Variants in KCNN2 observed in about 807,000 individuals in gnomAD.
The protein encoded by KCNN2 is small conductance calcium-activated potassium channel protein 2.
In KCNN2, 24 loss-of-function variants were observed where a neutral mutation model predicts 55.5. The observed-to-expected ratio is 0.43, with a 90% CI of 0.31 to 0.61. KCNN2 has a LOEUF of 0.61. Ranked by LOEUF, KCNN2 falls within the 20% of genes least tolerant of loss-of-function variation. The pLI, the probability that KCNN2 is intolerant of heterozygous loss-of-function variation, is 0.08. For synonymous variants in KCNN2, 431 were observed against 336.1 expected, an observed-to-expected ratio of 1.28 and a Z score of -3.09; for missense variants, 754 against 853.6, an observed-to-expected ratio of 0.88 and a Z score of 1.45.
intron 5 of KCNN2, among the ~76,000 whole-genome samples, chr5:114,479,304 A>T (rs1014039042): frequency 6.6e-6 from 1 of 152,024 alleles, no homozygotes; most frequent in Non-Finnish European, 1.5e-5. Context: ...AACAAAGATT[A>T]AAAAAAGATG....
chr5:114,247,054 A>G (rs549502586), intron 2 of KCNN2, among the ~76,000 whole-genome samples: 11 of 151,644 alleles, frequency 7.3e-5, no homozygotes, highest in Non-Finnish European at 1.6e-4. Flanking sequence ...CTGTAATCCC[A>G]GCACTTTGGG....
chr5:114,484,731 C>T (rs987327688), intron 5 of KCNN2, among the ~76,000 whole-genome samples: 52 of 152,102 alleles, frequency 3.4e-4, no homozygotes, highest in Non-Finnish European at 4.4e-5. Context: ...TGAAAAGTAG[C>T]AGTTAAATAT....
At chr5:114,125,184 A>AT (rs140293930) in intron 1 of KCNN2, among the ~76,000 whole-genome samples, 10,527 of 152,216 alleles carry the variant, frequency 0.069, 1,189 homozygotes, top group African/African-American at 0.24. Flanking sequence ...CCCAAATTTA[A>AT]CTTTTTGTAC....
chr5:114,463,339 A>ATTCTC, intron 4 of KCNN2, 149 bp downstream of exon 4: 4 of 599,986 alleles, frequency 6.7e-6, no homozygotes, highest in Non-Finnish European at 1.1e-5. Context: ...TTGAGAGAGA[A>ATTCTC]TGTCAACAGT....
Position 114,118,920 on chromosome 5 carries a change from G to T in KCNN2, c.-271+62420G>T, listed in dbSNP as rs374335194. Among the ~76,000 whole-genome samples, 30 of 152,178 alleles carry T rather than the reference G, an allele frequency of 2.0e-4. 1 individual carries two copies. In the East Asian group the frequency reaches 5.6e-3, roughly 28 times the overall value. ...GAGGCAGGATAGGGGAGGGGATGAG[G>T]ATATAGACCATGGAGACTGACAGAC... On this transcript the variant is annotated intron_variant, in intron 1 of 10. Coordinates refer to the KCNN2 transcript ENST00000512097.
chr5:114,121,447 C>G (rs962217797), intron 1 of KCNN2, among the ~76,000 whole-genome samples: 1 of 152,150 alleles, frequency 6.6e-6, no homozygotes, highest in Non-Finnish European at 1.5e-5. Context: ...ACACTACCAT[C>G]CCTTAGACCT....
intron 5 of KCNN2, 119 bp from the exon 6 acceptor site, chr5:114,486,931 G>A (rs2150137207): frequency 1.5e-6 from 2 of 1,291,536 alleles, no homozygotes; most frequent in South Asian, 2.6e-5. Flanking sequence ...TTGGAGTCAT[G>A]GTTACTAAAT....
At chr5:114,106,374 T>C (rs1751483033) in intron 1 of KCNN2, among the ~76,000 whole-genome samples, 1 of 152,026 alleles carries the variant, frequency 6.6e-6, no homozygotes, top group Admixed American at 6.6e-5. Context: ...AGGAGTGGAA[T>C]TGCTTGCTTA....
At chr5:114,172,868 T>C (rs1345076222) in intron 1 of KCNN2, among the ~76,000 whole-genome samples, 3 of 151,836 alleles carry the variant, frequency 2.0e-5, no homozygotes, top group Non-Finnish European at 4.4e-5. Context: ...AAATATTTTA[T>C]CTTATTCTGT....
chr5:114,378,177 A>T lies in KCNN2; in HGVS notation c.1218+14176A>T, dbSNP rs185248944. On this transcript the variant is annotated intron_variant, in intron 2 of 7. Coordinates refer to ENST00000673685, the MANE Select transcript of KCNN2 (RefSeq NM_021614.4). ...AAATCTGGCGTATGTGTTTATATAT[A>T]AAAAAAACTTTTATTGGAACACAGC... Among the ~76,000 whole-genome samples, 1,085 of 141,866 alleles carry T rather than the reference A, an allele frequency of 7.6e-3. 4 individuals are homozygous for T. Among genetic ancestry groups the T allele is most frequent in the Non-Finnish European group, 9.6e-3 (650 of 67,930 alleles). 93.1% of individuals were successfully genotyped at this position (141,866 alleles called of 152,430 possible).
chr5:114,195,693 T>C (rs910573218), intron 1 of KCNN2, among the ~76,000 whole-genome samples: 2 of 152,036 alleles, frequency 1.3e-5, no homozygotes, highest in African/African-American at 4.8e-5. Context: ...GGCTAATTAC[T>C]ATGTCTTGCA....
intron 1 of KCNN2, among the ~76,000 whole-genome samples, chr5:114,162,749 G>A (rs904809744): frequency 6.6e-6 from 1 of 152,150 alleles, no homozygotes; most frequent in Non-Finnish European, 1.5e-5. Flanking sequence ...TTTGATCTCA[G>A]TCTGCTGTGC....
chr5:114,210,821 T>C (rs548274872), intron 1 of KCNN2, among the ~76,000 whole-genome samples: 20 of 152,278 alleles, frequency 1.3e-4, no homozygotes, highest in African/African-American at 3.4e-4. Context: ...GTTTAAACTA[T>C]TTCTTATCTA....
At position 114,357,047 on chromosome 5, in the gene KCNN2, C is replaced by A. The variant is rs1374852887; in HGVS notation, c.-184-3898C>A. Among the ~76,000 whole-genome samples, 6 of 152,032 alleles carry A rather than the reference C, an allele frequency of 3.9e-5. No homozygotes were observed. The East Asian group carries it at 1.2e-3, about 29-fold the overall frequency. On this transcript the variant is annotated intron_variant, in intron 2 of 10. Coordinates refer to the KCNN2 transcript ENST00000512097. Reference sequence around the variant, plus strand: ...CCCAGGCAAAGAAAAAAATAATTCTCAGAAAAACATTTACTTTGTAGGTCA... The same window carrying A: ...CCCAGGCAAAGAAAAAAATAATTCTAAGAAAAACATTTACTTTGTAGGTCA...
At chr5:114,129,543 G>A (rs1752008034) in intron 1 of KCNN2, among the ~76,000 whole-genome samples, 1 of 152,156 alleles carries the variant, frequency 6.6e-6, no homozygotes, top group Non-Finnish European at 1.5e-5. Context: ...AATCATAGAA[G>A]TCTTTTGAAC....
At chr5:114,437,071 G>T (rs913832745) in intron 3 of KCNN2, among the ~76,000 whole-genome samples, 2 of 151,860 alleles carry the variant, frequency 1.3e-5, no homozygotes, top group Admixed American at 6.6e-5. Flanking sequence ...GTGTGTATGC[G>T]TGCATGCATG....
intron 1 of KCNN2, among the ~76,000 whole-genome samples, chr5:114,157,150 C>A (rs192456355): frequency 9.1e-6 from 1 of 109,478 alleles, no homozygotes; most frequent in Non-Finnish European, 1.8e-5. Context: ...TGCTATCCCT[C>A]CCCCCTCCCC....
intron 1 of KCNN2, among the ~76,000 whole-genome samples, chr5:114,148,607 G>A (rs1199492741): frequency 6.6e-6 from 1 of 152,122 alleles, no homozygotes; most frequent in Non-Finnish European, 1.5e-5. Context: ...AGAAACAGTA[G>A]GCTTAGAAGA....
At chr5:114,328,753 T>C (rs1330486596) in intron 2 of KCNN2, among the ~76,000 whole-genome samples, 1 of 152,148 alleles carries the variant, frequency 6.6e-6, no homozygotes, top group Non-Finnish European at 1.5e-5. Context: ...CCTTCCTCAC[T>C]CCCACAACTC....
Sources: allele counts gnomAD v4.1 joint callset (sites outside exome capture counted in the v4.1 genomes callset), GRCh38; gene constraint gnomAD v4.1.1; transcripts MANE v1.5; gene names NCBI Gene and HGNC (gene_info 2026-07-23, HGNC 2026-07-21).